TNR: variants seen among roughly 807,000 people sequenced by gnomAD.
TNR encodes the protein tenascin R.
In TNR, 45 loss-of-function variants were observed where a neutral mutation model predicts 150.4. The ratio of observed to expected loss-of-function variants is 0.30; its 90% CI spans 0.24 to 0.38. The LOEUF (loss-of-function observed/expected upper bound fraction) is 0.38. Among genes scored for constraint, TNR ranks in the 10% least tolerant of loss-of-function variants. The probability of loss-of-function intolerance (pLI) is 1.00; values close to 1 mark genes in which losing one functional copy is unlikely to be tolerated. For missense variants in TNR, 1,544 were observed against 1,759.1 expected (o/e 0.88, Z 2.19); for synonymous variants, 687 against 678.4 (o/e 1.01, Z -0.20).
chr1:175,498,900 T>C (rs1272548486), intron 2 of TNR, among the ~76,000 whole-genome samples: 1 of 152,212 alleles, frequency 6.6e-6, no homozygotes, highest in East Asian at 1.9e-4. Flanking sequence ...GTAGTTGCAT[T>C]TGATGATAGC....
chr1:175,408,130 G>C (rs762848109), intron 2 of TNR, among the ~76,000 whole-genome samples: 3 of 152,234 alleles, frequency 2.0e-5, no homozygotes, highest in Middle Eastern at 3.4e-3. Flanking sequence ...ATGCTAGACC[G>C]TGGGTTTCCT....
Position 175,359,858 on chromosome 1 carries a change from A to C in TNR, c.2855-127T>G. On this transcript the variant is annotated intron_variant, in intron 14 of 22. Transcript: ENST00000367674. ...CACTCTACAAAACAAAGAAGTGAGC[A>C]GAAACCTCTTCCCTTTCTCCTCTTC... is the stretch of plus-strand genomic sequence containing the variant. The C allele has an allele frequency of 2.5e-6, 3 of 1,213,004 alleles. No homozygotes were observed. In the Admixed American group the frequency reaches 9.5e-5, roughly 38 times the overall value. 75.1% of individuals were successfully genotyped at this position (1,213,004 alleles called of 1,614,324 possible). A position where few individuals can be genotyped will look rare whatever the true frequency, so the allele number is the denominator to read the frequency against.
chr1:175,711,656 G>A (rs576912778), intron 1 of TNR, among the ~76,000 whole-genome samples: 35 of 152,288 alleles, frequency 2.3e-4, no homozygotes, highest in African/African-American at 6.7e-4. Flanking sequence ...GACTGTGGCC[G>A]GGCCCAGGAC....
chr1:175,534,911 T>C (rs1055784133), intron 1 of TNR, among the ~76,000 whole-genome samples: 2 of 152,260 alleles, frequency 1.3e-5, no homozygotes, highest in South Asian at 2.1e-4. Flanking sequence ...CTCAGGAGAT[T>C]TGATGGTTTT....
intron 2 of TNR, among the ~76,000 whole-genome samples, chr1:175,466,174 G>A (rs140351844): frequency 3.9e-4 from 60 of 152,244 alleles, no homozygotes; most frequent in African/African-American, 1.3e-3. Context: ...AATATTATGA[G>A]CCTCATTTTA....
intron 1 of TNR, among the ~76,000 whole-genome samples, chr1:175,679,122 C>T (rs1434352979): frequency 6.6e-6 from 1 of 152,238 alleles, no homozygotes; most frequent in African/African-American, 2.4e-5. Context: ...CTATATTTTA[C>T]TATTGATAAA....
At chr1:175,480,408 GAAAGAAAGAAA>G (rs139099386) in intron 2 of TNR, among the ~76,000 whole-genome samples, 22,422 of 135,392 alleles carry the variant, frequency 0.17, 2,289 homozygotes, top group East Asian at 0.51. Context: ...AAAGAAAAAA[GAAAGAAAGAAA>G]AAAGAAAGAA....
rs117242409 is a variant in TNR, at chr1:175,585,060, G to A, written c.-164-56691C>T. 1.7e-3 allele frequency among the ~76,000 whole-genome samples: 261 copies of A among 152,318 alleles called. 4 individuals carry two copies. The East Asian group carries it at 0.042, about 24-fold the overall frequency. On this transcript the variant is annotated intron_variant, in intron 1 of 22. Coordinates refer to ENST00000367674, the MANE Select transcript of TNR (RefSeq NM_003285.3). ...GTTAATAGCAAATACAAACATGAGTGTTGATGATGTGCAGGCACATTCTGA... is the reference window on the plus strand; with the variant it reads ...GTTAATAGCAAATACAAACATGAGTATTGATGATGTGCAGGCACATTCTGA...
intron 18 of TNR, among the ~76,000 whole-genome samples, chr1:175,342,050 A>G (rs547861708): frequency 6.6e-6 from 1 of 152,348 alleles, no homozygotes; most frequent in African/African-American, 2.4e-5. Context: ...AATTCAACAA[A>G]TATATAACAG....
In TNR at chr1:175,403,290, A is replaced by G. The variant is rs749547147; in HGVS notation, c.826T>C (p.Cys276Arg). The G allele has an allele frequency of 3.7e-6, 6 of 1,613,872 alleles. No individual in the cohort carries two copies. In the Admixed American group the frequency reaches 6.7e-5, roughly 18 times the overall value. Residue 276 changes from cysteine (C) to arginine (R), a missense_variant, in exon 4 of 23, where the codon TGT becomes CGT. Transcript: ENST00000367674. Reference protein sequence around the residue: ...CPGDCSGKGRCANGTCLCEEG... With the variant: ...CPGDCSGKGRRANGTCLCEEG... ...TCGCATAAACAGGTACCGTTGGCAC[A>G]TCTCCCCTTCCCCGAACAGTCCCCA...
intron 1 of TNR, among the ~76,000 whole-genome samples, chr1:175,671,951 T>TGTGTGTG (rs1571736842): frequency 9.4e-6 from 1 of 106,412 alleles, no homozygotes; most frequent in African/African-American, 4.2e-5. Context: ...GTGTGTGTGT[T>TGTGTGTG]GGAGAGGGGG....
intron 2 of TNR, among the ~76,000 whole-genome samples, chr1:175,482,181 C>G (rs532298019): frequency 1.3e-5 from 2 of 152,196 alleles, no homozygotes; most frequent in Non-Finnish European, 2.9e-5. Flanking sequence ...AATGAAAGAA[C>G]GAGTGAATGA....
chr1:175,525,769 G>A (rs778073060), intron 2 of TNR, among the ~76,000 whole-genome samples: 8 of 152,222 alleles, frequency 5.3e-5, no homozygotes, highest in Non-Finnish European at 1.2e-4. Flanking sequence ...TTGAAAGTCT[G>A]TAAGAGCAGC....
chr1:175,427,843 CCT>C (rs1285981376), intron 2 of TNR, among the ~76,000 whole-genome samples: 2 of 124,048 alleles, frequency 1.6e-5, no homozygotes, highest in Non-Finnish European at 3.4e-5. Flanking sequence ...CCCTCCCTTC[CCT>C]CTTTTTTCCT....
At chr1:175,716,743 G>A (rs1210376102) in intron 1 of TNR, among the ~76,000 whole-genome samples, 1 of 152,206 alleles carries the variant, frequency 6.6e-6, no homozygotes, top group African/African-American at 2.4e-5. Context: ...TGAGGCCCAG[G>A]AGTTGGTCAT....
At chr1:175,461,955 C>T (rs1229246730) in intron 2 of TNR, among the ~76,000 whole-genome samples, 4 of 152,130 alleles carry the variant, frequency 2.6e-5, no homozygotes, top group East Asian at 1.9e-4. Flanking sequence ...ACGACCTTGG[C>T]GAACTACTTT....
intron 18 of TNR, among the ~76,000 whole-genome samples, chr1:175,345,296 C>T (rs551285534): frequency 3.9e-5 from 6 of 152,070 alleles, no homozygotes; most frequent in African/African-American, 1.4e-4. Context: ...ACCTGCATTA[C>T]CAAGCAGAGG....
chr1:175,433,389 C>A (rs143972901), intron 2 of TNR, among the ~76,000 whole-genome samples: 1 of 152,170 alleles, frequency 6.6e-6, no homozygotes, highest in Non-Finnish European at 1.5e-5. Context: ...ACCTGGGCAC[C>A]ATCATGTTAG....
At chr1:175,641,174 T>C (rs1004482929) in intron 1 of TNR, among the ~76,000 whole-genome samples, 1 of 152,168 alleles carries the variant, frequency 6.6e-6, no homozygotes, top group Non-Finnish European at 1.5e-5. Context: ...AAACAACGCA[T>C]CTTAAAATGA....
Sources: gnomAD v4.1 joint callset for allele counts (sites outside exome capture counted in the v4.1 genomes callset) on GRCh38, gnomAD v4.1.1 for gene constraint, MANE v1.5 for transcripts, NCBI Gene and HGNC (gene_info 2026-07-23, HGNC 2026-07-21) for gene names.